The following IL1RAPL1 variants were observed in gnomAD, a reference collection of about 807,000 sequenced individuals.
The protein encoded by IL1RAPL1 is interleukin 1 receptor accessory protein like 1.
In IL1RAPL1, 3 loss-of-function variants were observed where a neutral mutation model predicts 48.4. That is an observed-to-expected ratio of 0.06 (90% confidence interval 0.03 to 0.16). The LOEUF (loss-of-function observed/expected upper bound fraction) is 0.16. Among genes scored for constraint, IL1RAPL1 ranks in the 10% least tolerant of loss-of-function variants. The pLI, the probability that IL1RAPL1 is intolerant of heterozygous loss-of-function variation, is 1.00. For missense variants in IL1RAPL1, 349 were observed against 530.6 expected, an observed-to-expected ratio of 0.66 and a Z score of 3.36; for synonymous variants, 185 against 187.7, an observed-to-expected ratio of 0.99 and a Z score of 0.12.
intron 6 of IL1RAPL1, among the ~76,000 whole-genome samples, chrX:29,822,671 G>A (rs1035567257): frequency 1.5e-4 from 17 of 111,548 alleles, no homozygotes; most frequent in Non-Finnish European, 3.0e-4. Context: ...CTGACATGGT[G>A]CCAGACAGTG....
intron 2 of IL1RAPL1, among the ~76,000 whole-genome samples, chrX:29,137,256 GCT>G (rs1555967868): frequency 7.2e-5 from 2 of 27,599 alleles, no homozygotes; most frequent in Non-Finnish European, 1.2e-4. Flanking sequence ...ACACACTTGC[GCT>G]CACACACACA....
At chrX:28,836,396 CAGAGAG>C (rs1186556525) in intron 2 of IL1RAPL1, among the ~76,000 whole-genome samples, 5 of 97,327 alleles carry the variant, frequency 5.1e-5, no homozygotes, top group Non-Finnish European at 1.0e-4. Flanking sequence ...GACAGACAGA[CAGAGAG>C]AGAGAGTCCA....
In IL1RAPL1 at chrX:29,418,070, C is replaced by T. The variant is rs1368462195; in HGVS notation, c.703+18762C>T. ...TAAGGATGAGAGAAGCACAGAGAAACGTGTTCTTTTTAAAAAAGTAATATA... is the reference window on the plus strand; with the variant it reads ...TAAGGATGAGAGAAGCACAGAGAAATGTGTTCTTTTTAAAAAAGTAATATA... On this transcript the variant is annotated intron_variant, in intron 5 of 10. Transcript: ENST00000378993. 1.7e-4 allele frequency among the ~76,000 whole-genome samples: 15 copies of T among 86,936 alleles called. 1 individual carries two copies. Among genetic ancestry groups the T allele is most frequent in the African/African-American group, 4.0e-4 (9 of 22,632 alleles). The allele number at this position is 86,936 out of a possible 115,157, so 75.5% of individuals were successfully genotyped here. A position where few individuals can be genotyped will look rare whatever the true frequency, so the allele number is the denominator to read the frequency against.
chrX:29,581,450 A>G (rs951670762), intron 5 of IL1RAPL1, among the ~76,000 whole-genome samples: 1 of 111,747 alleles, frequency 8.9e-6, no homozygotes, highest in Non-Finnish European at 1.9e-5. Flanking sequence ...TTTCCATCCT[A>G]TTGCCATATC....
At chrX:29,120,657 G>GT (rs1041380250) in intron 2 of IL1RAPL1, among the ~76,000 whole-genome samples, 9 of 109,565 alleles carry the variant, frequency 8.2e-5, no homozygotes, top group East Asian at 2.8e-4. Context: ...TTTTAGAGTA[G>GT]TTTTTTTTTC....
rs775321800 is a variant in IL1RAPL1 at position 28,825,627 on chromosome X, A to T, written c.82+36202A>T. On this transcript the variant is annotated intron_variant, in intron 2 of 10. Transcript: ENST00000378993. ...TAAATTATTATTGTGGTTCCATTTC[A>T]TTGGAAAGCATACACCTGCATATTT... 6.3e-5 allele frequency among the ~76,000 whole-genome samples: 7 copies of T among 111,196 alleles called. No homozygotes were observed. In the South Asian group the frequency reaches 2.6e-3, roughly 41 times the overall value.
intron 1 of IL1RAPL1, among the ~76,000 whole-genome samples, chrX:28,657,488 A>G (rs375402017): frequency 8.9e-6 from 1 of 112,620 alleles, no homozygotes; most frequent in African/African-American, 3.2e-5. Flanking sequence ...TATTCCTGAT[A>G]AAAAAGGTTT....
At chrX:29,053,561 C>T (rs189343283) in intron 2 of IL1RAPL1, among the ~76,000 whole-genome samples, 2 of 111,866 alleles carry the variant, frequency 1.8e-5, no homozygotes, top group Admixed American at 1.9e-4. Context: ...TAAATAACAG[C>T]ACCTGTTGAG....
At chrX:28,639,367 ATGT>A (rs2146897681) in intron 1 of IL1RAPL1, among the ~76,000 whole-genome samples, 1 of 112,089 alleles carries the variant, frequency 8.9e-6, no homozygotes, top group African/African-American at 3.2e-5. Context: ...CCTTTCACAA[ATGT>A]TGTTTCCAAC....
chrX:29,172,412 AT>A (rs1253498990), intron 2 of IL1RAPL1, among the ~76,000 whole-genome samples: 79 of 111,234 alleles, frequency 7.1e-4, no homozygotes, highest in Non-Finnish European at 5.7e-5. Flanking sequence ...CCAGCAACCT[AT>A]TTTTTTAAAT....
intron 5 of IL1RAPL1, among the ~76,000 whole-genome samples, chrX:29,490,181 T>C (rs1441565416): frequency 1.8e-5 from 2 of 110,315 alleles, no homozygotes; most frequent in Non-Finnish European, 3.8e-5. Context: ...AATGCATGAA[T>C]ACATGGTCAA....
Position 29,956,144 on chromosome X carries a change from G to T in IL1RAPL1, c.*324G>T. 9 of 239,351 alleles carry T rather than the reference G, an allele frequency of 3.8e-5. No individual in the cohort carries two copies. Among genetic ancestry groups the T allele is most frequent in the South Asian group, 8.9e-5 (1 of 11,175 alleles). The allele number at this position is 239,351 out of a possible 1,213,427, so 19.7% of individuals were successfully genotyped here. On this transcript the variant is annotated 3_prime_UTR_variant, in exon 11 of 11. Coordinates refer to ENST00000378993, the MANE Select transcript of IL1RAPL1 (RefSeq NM_014271.4). ...GCTTCATTAGTTTAGTTTTAGAATG[G>T]GTTTTTATTTTATTTCCTTTTTTAA...
intron 5 of IL1RAPL1, among the ~76,000 whole-genome samples, chrX:29,584,653 A>G (rs1923095834): frequency 9.0e-6 from 1 of 111,602 alleles, no homozygotes; most frequent in Non-Finnish European, 1.9e-5. Flanking sequence ...TCCCAGGCTC[A>G]AGTGATCCTC....
chrX:29,686,173 A>G (rs1926610622), intron 6 of IL1RAPL1, among the ~76,000 whole-genome samples: 1 of 111,934 alleles, frequency 8.9e-6, no homozygotes, highest in Non-Finnish European at 1.9e-5. Flanking sequence ...AGATAAGACT[A>G]AGATTCTCAT....
In IL1RAPL1 at chrX:29,294,503, C is replaced by T. The variant is rs376696356; in HGVS notation, c.362+11286C>T. 1.9e-4 allele frequency among the ~76,000 whole-genome samples: 19 copies of T among 101,163 alleles called. No individual in the cohort carries two copies. In the East Asian group the frequency reaches 3.1e-3, roughly 16 times the overall value. 87.8% of individuals were successfully genotyped at this position (101,163 alleles called of 115,157 possible). On this transcript the variant is annotated intron_variant, in intron 3 of 10. Transcript: ENST00000378993. ...CTGCACTCCAGCCTGGGTGACAGAGCGAGACTCCATCTCAGAAAAAAAAAA... is the reference window on the plus strand; with the variant it reads ...CTGCACTCCAGCCTGGGTGACAGAGTGAGACTCCATCTCAGAAAAAAAAAA...
chrX:29,252,847 T>C (rs778642570), intron 2 of IL1RAPL1, among the ~76,000 whole-genome samples: 2 of 111,310 alleles, frequency 1.8e-5, no homozygotes, highest in South Asian at 7.5e-4. Context: ...AGAATACTGA[T>C]TGTCTCTTTA....
intron 2 of IL1RAPL1, among the ~76,000 whole-genome samples, chrX:29,084,138 T>C (rs1447394070): frequency 9.0e-6 from 1 of 111,460 alleles, no homozygotes; most frequent in Non-Finnish European, 1.9e-5. Context: ...AGCAATGAAA[T>C]TGGGGCATGA....
intron 8 of IL1RAPL1, among the ~76,000 whole-genome samples, chrX:29,925,882 A>G (rs1319290579): frequency 8.9e-6 from 1 of 112,400 alleles, no homozygotes; most frequent in Middle Eastern, 4.6e-3. Context: ...AAGGCTATTG[A>G]TTGCCACCAA....
In IL1RAPL1 at chrX:28,646,328, C is replaced by G. The variant is rs561483721; in HGVS notation, c.-25+58281C>G. ...CTCAGACTGTAATGCTTAATACTGGCTGGCCAGCCACTCATCTCCTGCTAT... is the reference window on the plus strand; with the variant it reads ...CTCAGACTGTAATGCTTAATACTGGGTGGCCAGCCACTCATCTCCTGCTAT... On this transcript the variant is annotated intron_variant, in intron 1 of 10. Transcript: ENST00000378993. Among the ~76,000 whole-genome samples the G allele has an allele frequency of 1.1e-4, 12 of 112,167 alleles. No homozygotes were observed. In the South Asian group the frequency reaches 4.5e-3, roughly 42 times the overall value.
Sources: gnomAD v4.1 joint callset for allele counts (sites outside exome capture counted in the v4.1 genomes callset) on GRCh38, gnomAD v4.1.1 for gene constraint, MANE v1.5 for transcripts, NCBI Gene and HGNC (gene_info 2026-07-23, HGNC 2026-07-21) for gene names.